ST6GALNAC3: variants seen among roughly 807,000 people sequenced by gnomAD.
ST6GALNAC3 encodes alpha-N-acetylgalactosaminide alpha-2,6-sialyltransferase 3.
A neutral mutation model predicts 32.7 loss-of-function variants in ST6GALNAC3; 25 were observed. The observed-to-expected ratio is 0.76, with a 90% CI of 0.56 to 1.07. The LOEUF (loss-of-function observed/expected upper bound fraction) is 1.07, where lower values mean the gene tolerates loss of function less well. ST6GALNAC3 is among the 50% of genes least tolerant of loss of function. ST6GALNAC3 has a pLI of 0.00. For missense variants in ST6GALNAC3, 355 were observed against 382.4 expected, an observed-to-expected ratio of 0.93 and a Z score of 0.60; for synonymous variants, 129 against 133.1, an observed-to-expected ratio of 0.97 and a Z score of 0.21.
At chr1:76,411,839 G>A (rs1654259901) in intron 2 of ST6GALNAC3, among the ~76,000 whole-genome samples, 169 bp from the exon 3 acceptor site, 2 of 152,088 alleles carry the variant, frequency 1.3e-5, no homozygotes, top group Non-Finnish European at 2.9e-5. Flanking sequence ...GAAGCATGCT[G>A]TTAACTTGAT....
intron 1 of ST6GALNAC3, among the ~76,000 whole-genome samples, chr1:76,262,398 G>C (rs1658291057): frequency 6.6e-6 from 1 of 152,200 alleles, no homozygotes; most frequent in Non-Finnish European, 1.5e-5. Flanking sequence ...AAAGTTGTAT[G>C]CATACAGAAA....
chr1:76,152,095 A>G (rs1199796993), intron 1 of ST6GALNAC3, among the ~76,000 whole-genome samples: 2 of 152,194 alleles, frequency 1.3e-5, no homozygotes, highest in Non-Finnish European at 2.9e-5. Flanking sequence ...AAAATTGTCA[A>G]AAGATTAAAT....
intron 2 of ST6GALNAC3, among the ~76,000 whole-genome samples, chr1:76,388,539 G>C (rs1405646451): frequency 2.0e-5 from 3 of 152,204 alleles, no homozygotes; most frequent in Admixed American, 2.0e-4. Context: ...CAATGTTGCA[G>C]CCAGAGGTAT....
At chr1:76,491,923 G>A (rs568246075) in intron 3 of ST6GALNAC3, among the ~76,000 whole-genome samples, 29 of 152,158 alleles carry the variant, frequency 1.9e-4, no homozygotes, top group Non-Finnish European at 3.5e-4. Flanking sequence ...CTACAGGCTG[G>A]CCTGTTGCAT....
chr1:76,283,367 A>G (rs1659607038), intron 1 of ST6GALNAC3, among the ~76,000 whole-genome samples: 1 of 152,110 alleles, frequency 6.6e-6, no homozygotes, highest in African/African-American at 2.4e-5. Flanking sequence ...CTATGTTATA[A>G]TAGAATCTTT....
At chr1:76,183,313 C>T (rs1175916011) in intron 1 of ST6GALNAC3, among the ~76,000 whole-genome samples, 3 of 152,128 alleles carry the variant, frequency 2.0e-5, no homozygotes, top group African/African-American at 4.8e-5. Context: ...AAATGGTCTA[C>T]ACCACATGAC....
intron 1 of ST6GALNAC3, among the ~76,000 whole-genome samples, chr1:76,173,342 G>T (rs191472971): frequency 6.6e-6 from 1 of 152,154 alleles, no homozygotes; most frequent in Non-Finnish European, 1.5e-5. Context: ...ACTCAAGATG[G>T]ATTAAATACT....
chr1:76,487,410 A>C (rs533412121), intron 3 of ST6GALNAC3, among the ~76,000 whole-genome samples: 2 of 152,266 alleles, frequency 1.3e-5, no homozygotes, highest in African/African-American at 4.8e-5. Context: ...TATTTCTTGG[A>C]GGCTTTGTTC....
chr1:76,273,948 GTTT>G (rs1465725826), intron 1 of ST6GALNAC3, among the ~76,000 whole-genome samples: 1 of 152,156 alleles, frequency 6.6e-6, no homozygotes, highest in Non-Finnish European at 1.5e-5. Flanking sequence ...GTGGTAACAT[GTTT>G]TATGGCCCAC....
chr1:76,546,728 G>A (rs1570211191), intron 3 of ST6GALNAC3, among the ~76,000 whole-genome samples: 2 of 152,308 alleles, frequency 1.3e-5, no homozygotes, highest in East Asian at 1.9e-4. Flanking sequence ...ATTAAATTCA[G>A]GCCAGCCATG....
chr1:76,328,860 C>G (rs1226823916), intron 2 of ST6GALNAC3, among the ~76,000 whole-genome samples: 1 of 152,138 alleles, frequency 6.6e-6, no homozygotes, highest in Non-Finnish European at 1.5e-5. Context: ...TTCAAAGAAG[C>G]AGATTTGCCT....
rs375070591 is a variant in ST6GALNAC3, at chr1:76,457,193, G to A, written c.623+44776G>A. Among the ~76,000 whole-genome samples the A allele has an allele frequency of 4.6e-5, 7 of 151,904 alleles. No individual in the cohort carries two copies. The East Asian group carries it at 9.7e-4, about 21-fold the overall frequency. On this transcript the variant is annotated intron_variant, in intron 3 of 4. Transcript: ENST00000328299. ...GGAGAACTACAAACCACTGCTCAAGGAAATAAAAGAGGATACAAACAAATG... is the reference window on the plus strand; with the variant it reads ...GGAGAACTACAAACCACTGCTCAAGAAAATAAAAGAGGATACAAACAAATG...
chr1:76,611,843 G>A (rs1002159627), intron 3 of ST6GALNAC3, among the ~76,000 whole-genome samples: 3 of 152,130 alleles, frequency 2.0e-5, no homozygotes, highest in Non-Finnish European at 4.4e-5. Context: ...CTTGATTAGA[G>A]AAAAATCTGA....
chr1:76,283,973 G>A (rs1464466247), intron 1 of ST6GALNAC3, among the ~76,000 whole-genome samples: 1 of 151,980 alleles, frequency 6.6e-6, no homozygotes, highest in Non-Finnish European at 1.5e-5. Flanking sequence ...ATGTTATTAG[G>A]AACCTGATCT....
rs1442837187 is a variant in ST6GALNAC3, at chr1:76,633,662, C to T, written c.*4856C>T. On this transcript the variant is annotated 3_prime_UTR_variant, in exon 5 of 5. Coordinates refer to ENST00000328299, the MANE Select transcript of ST6GALNAC3 (RefSeq NM_152996.4). ...GTGCTGCCCAAGTTAGTGAAATTAT[C>T]CATCAGCACTAACACCACCCTTTGG... The T allele has an allele frequency of 6.6e-6, 1 of 152,176 alleles. No homozygotes were observed. The highest frequency in any genetic ancestry group is 1.5e-5 in the Non-Finnish European group (1 of 68,024). 9.4% of individuals were successfully genotyped at this position (152,176 alleles called of 1,614,324 possible).
intron 2 of ST6GALNAC3, among the ~76,000 whole-genome samples, chr1:76,389,934 A>C (rs1652402565): frequency 6.6e-6 from 1 of 152,020 alleles, no homozygotes; most frequent in African/African-American, 2.4e-5. Context: ...GTATGACTTA[A>C]TTTTTCATAA....
chr1:76,344,614 C>T (rs1648340440), intron 2 of ST6GALNAC3, among the ~76,000 whole-genome samples: 1 of 152,098 alleles, frequency 6.6e-6, no homozygotes, highest in African/African-American at 2.4e-5. Flanking sequence ...GAATATGATT[C>T]CTGCTATACT....
At chr1:76,113,587 C>T (rs1158994706) in intron 1 of ST6GALNAC3, among the ~76,000 whole-genome samples, 1 of 151,336 alleles carries the variant, frequency 6.6e-6, no homozygotes, top group Non-Finnish European at 1.5e-5. Flanking sequence ...GTTGATTGTA[C>T]CTCTAAGATG....
At chr1:76,636,713 T>C (rs2100751925), downstream of ST6GALNAC3, among the ~76,000 whole-genome samples, 1 of 152,272 alleles carries the variant, frequency 6.6e-6, no homozygotes, top group Middle Eastern at 3.4e-3. Flanking sequence ...CTAATAGAAT[T>C]TTGCATCCTA....
Sources: gnomAD v4.1 joint callset for allele counts (sites outside exome capture counted in the v4.1 genomes callset) on GRCh38, gnomAD v4.1.1 for gene constraint, MANE v1.5 for transcripts, NCBI Gene and HGNC (gene_info 2026-07-23, HGNC 2026-07-21) for gene names.